The following HADHA variants were observed in gnomAD, a reference collection of about 807,000 sequenced individuals.
HADHA encodes hydroxyacyl-CoA dehydrogenase trifunctional multienzyme complex subunit alpha.
HADHA carries 59 observed loss-of-function variants against 91.3 expected under a neutral mutation model. The ratio of observed to expected loss-of-function variants is 0.65; its 90% CI spans 0.52 to 0.80. The LOEUF is 0.80. Ranked by LOEUF, HADHA falls within the 30% of genes least tolerant of loss-of-function variation. The pLI, the probability that HADHA is intolerant of heterozygous loss-of-function variation, is 0.00. For missense variants in HADHA, 800 were observed against 927.6 expected (o/e 0.86, Z 1.79); for synonymous variants, 320 against 338.9 (o/e 0.94, Z 0.61).
chr2:26,205,586 G>C (rs1443257617), intron 11 of HADHA, among the ~76,000 whole-genome samples: 3 of 152,198 alleles, frequency 2.0e-5, no homozygotes, highest in African/African-American at 4.8e-5. Context: ...TTCTTTGAGA[G>C]GCCAAGGCGG....
chr2:26,191,370 A>G lies in HADHA; in HGVS notation c.2172T>C (p.Tyr724=). Residue 724 remains tyrosine, a synonymous_variant, in exon 20 of 20, where the codon TAT becomes TAC. Coordinates refer to ENST00000380649, the MANE Select transcript of HADHA (RefSeq NM_000182.5). ...GCCGGTCCACTATCTTCTGGGCGCC[A>G]TACAGATCCACAAAGCGGAAAGGCC... ...LGGPFRFVDL[Y]GAQKIVDRLK... 6.2e-7 allele frequency: 1 copy of G among 1,614,210 alleles called. No homozygotes were observed. The highest frequency in any genetic ancestry group is 8.5e-7 in the Non-Finnish European group (1 of 1,180,048).
Position 26,234,211 on chromosome 2 carries a change from C to G in HADHA, c.453+6G>C. On this transcript the variant is annotated splice_donor_region_variant and intron_variant, in intron 5 of 19. Coordinates refer to ENST00000380649, the MANE Select transcript of HADHA (RefSeq NM_000182.5). ...CAGTGTCTCAATAACTTTAGAATATCTATACCTCAAGTCCTCCTCCCAGGC... is the reference window on the plus strand; with the variant it reads ...CAGTGTCTCAATAACTTTAGAATATGTATACCTCAAGTCCTCCTCCCAGGC... 1 of 1,612,780 alleles carries G rather than the reference C, an allele frequency of 6.2e-7. No homozygotes were observed. Among genetic ancestry groups the G allele is most frequent in the Non-Finnish European group, 8.5e-7 (1 of 1,178,736 alleles).
At chr2:26,194,461 C>A in intron 16 of HADHA, 109 bp downstream of exon 16, 1 of 776,560 alleles carries the variant, frequency 1.3e-6, no homozygotes, top group South Asian at 1.4e-5. Flanking sequence ...TAGACAAGAG[C>A]AGGAGTTGGT....
chr2:26,211,565 T>C (rs1230885946), intron 10 of HADHA, among the ~76,000 whole-genome samples: 1 of 152,254 alleles, frequency 6.6e-6, no homozygotes, highest in Non-Finnish European at 1.5e-5. Context: ...ATTTCATGTT[T>C]AGACTCTGAT....
chr2:26,224,458 G>T (rs1670442424), intron 7 of HADHA, among the ~76,000 whole-genome samples: 1 of 152,080 alleles, frequency 6.6e-6, no homozygotes, highest in African/African-American at 2.4e-5. Flanking sequence ...TTCTTATTTT[G>T]TTATGAATAT....
intron 17 of HADHA, 114 bp from the exon 18 acceptor site, chr2:26,192,538 G>C: frequency 2.7e-6 from 2 of 741,148 alleles, no homozygotes; most frequent in South Asian, 2.8e-5. Context: ...TGTAATCCCA[G>C]CACTTTGGGA....
chr2:26,237,668 T>C (rs1670794010), intron 3 of HADHA, among the ~76,000 whole-genome samples: 3 of 152,174 alleles, frequency 2.0e-5, no homozygotes, highest in Non-Finnish European at 2.9e-5. Context: ...TTGTAAATAT[T>C]ATTCATTGAA....
At chr2:26,239,289 A>AT (rs2147785687) in intron 1 of HADHA, 146 bp from the exon 2 acceptor site, 1 of 693,584 alleles carries the variant, frequency 1.4e-6, no homozygotes, top group Non-Finnish European at 2.6e-6. Flanking sequence ...CTACTGCCAT[A>AT]TTTTTTCCAT....
At chr2:26,212,174 C>A (rs931217147) in intron 10 of HADHA, 7 of 293,486 alleles carry the variant, frequency 2.4e-5, no homozygotes, top group Middle Eastern at 1.2e-3. Context: ...GCAGCCCTGA[C>A]CTCCTGGACT....
chr2:26,238,562 T>C (rs1478142228), intron 3 of HADHA, among the ~76,000 whole-genome samples: 1 of 152,228 alleles, frequency 6.6e-6, no homozygotes, highest in Non-Finnish European at 1.5e-5. Context: ...GAATAGTGAC[T>C]TATGTCAGGC....
chr2:26,220,160 T>G (rs1670340512), intron 7 of HADHA, among the ~76,000 whole-genome samples: 1 of 152,040 alleles, frequency 6.6e-6, no homozygotes, highest in Non-Finnish European at 1.5e-5. Flanking sequence ...GCAGTCAGAG[T>G]AGGGGCTTAT....
chr2:26,239,188 G>A (rs1258669726), intron 1 of HADHA, 45 bp from the exon 2 acceptor site: 4 of 1,242,210 alleles, frequency 3.2e-6, no homozygotes, highest in South Asian at 1.2e-5. Flanking sequence ...AACAATTTCT[G>A]TAGTACCTTT....
intron 1 of HADHA, among the ~76,000 whole-genome samples, chr2:26,241,373 A>C (rs1216481291): frequency 6.6e-6 from 1 of 151,890 alleles, no homozygotes; most frequent in Non-Finnish European, 1.5e-5. Flanking sequence ...TAATCCCAGC[A>C]CTTTGGGAGG....
intron 7 of HADHA, among the ~76,000 whole-genome samples, chr2:26,216,474 C>A (rs1670223834): frequency 6.6e-6 from 1 of 151,980 alleles, no homozygotes; most frequent in South Asian, 2.1e-4. Context: ...GTGCATGCCA[C>A]TGTGCCCAGC....
At position 26,214,462 on chromosome 2, in the gene HADHA, GC is replaced by G; in HGVS notation, c.898del (p.Ala300HisfsTer3). 6.5e-7 allele frequency: 1 copy of G among 1,538,528 alleles called. No individual in the cohort carries two copies. The highest frequency in any genetic ancestry group is 9.0e-7 in the Non-Finnish European group (1 of 1,112,910). ...VRKQTKGLYP[A>X]PLKIIDVVKT... ...ACTCACATCAATTATTTTCAGAGGT[GC>G]AGGATAAAGGCCTTTAGTCTGCTTT... On this transcript the variant is annotated frameshift_variant, in exon 9 of 20. Coordinates refer to ENST00000380649, the MANE Select transcript of HADHA (RefSeq NM_000182.5). LOFTEE classifies it high-confidence loss of function. This position sits in a 1 kb window ranked among gnomAD's most constrained non-coding sequence, Gnocchi z 4.1.
In HADHA at chr2:26,195,387, A is replaced by G. The variant is rs529696450; in HGVS notation, c.1480-155T>C. On this transcript the variant is annotated intron_variant, in intron 14 of 19. Coordinates refer to ENST00000380649, the MANE Select transcript of HADHA (RefSeq NM_000182.5). The stretch of plus-strand genomic sequence containing the variant: ...AGTGGTTTGGTTCCATGGGTCTTTG[A>G]TAAAAGTTTAGTATGTTTAGGGAGA... 5.3e-5 allele frequency among the ~76,000 whole-genome samples: 8 copies of G among 152,174 alleles called. No homozygotes were observed. The South Asian group carries it at 1.7e-3, about 32-fold the overall frequency.
chr2:26,230,433 A>G (rs1014251476), intron 6 of HADHA, 139 bp from the exon 7 acceptor site: 39 of 689,184 alleles, frequency 5.7e-5, no homozygotes, highest in Non-Finnish European at 8.7e-5. Context: ...AACAGCATAG[A>G]TAAGTTATAT....
intron 14 of HADHA, 111 bp downstream of exon 14, chr2:26,197,580 A>G: frequency 4.0e-6 from 3 of 742,096 alleles, no homozygotes; most frequent in Non-Finnish European, 7.4e-6. Flanking sequence ...TTTAGGAACC[A>G]CCCGCATCCA....
At chr2:26,213,706 G>T (rs2147769118) in intron 9 of HADHA, among the ~76,000 whole-genome samples, 1 of 152,228 alleles carries the variant, frequency 6.6e-6, no homozygotes, top group Non-Finnish European at 1.5e-5. Context: ...TTAATCTTAT[G>T]CTGCCTTATA....
Sources: gnomAD v4.1 joint callset for allele counts (sites outside exome capture counted in the v4.1 genomes callset) on GRCh38, gnomAD v4.1.1 for gene constraint, Gnocchi (gnomAD v3.1) non-coding constraint, MANE v1.5 for transcripts, NCBI Gene and HGNC (gene_info 2026-07-23, HGNC 2026-07-21) for gene names.